The following TMEM161A variants were observed in gnomAD, a reference collection of about 807,000 sequenced individuals.
The protein encoded by TMEM161A is adaptive response to oxidative stress protein 29.
A neutral mutation model predicts 57.1 loss-of-function variants in TMEM161A; 46 were observed. The ratio of observed to expected loss-of-function variants is 0.81; its 90% CI spans 0.64 to 1.03. The LOEUF (loss-of-function observed/expected upper bound fraction) is 1.03, where lower values mean the gene tolerates loss of function less well. Ranked by LOEUF, TMEM161A falls within the 50% of genes least tolerant of loss-of-function variation. The pLI is 0.00. For missense variants in TMEM161A, 601 were observed against 621.5 expected (o/e 0.97, Z 0.35); for synonymous variants, 288 against 279.0 (o/e 1.03, Z -0.32).
chr19:19,135,377 C>T (rs138741532), intron 1 of TMEM161A, among the ~76,000 whole-genome samples: 5 of 152,136 alleles, frequency 3.3e-5, no homozygotes, highest in Non-Finnish European at 7.4e-5. Flanking sequence ...TTCTCCTTCA[C>T]CTGGTAGCTC....
Position 19,132,213 on chromosome 19 carries a change from A to T in TMEM161A, c.443+139T>A. 9.8e-7 allele frequency: 1 copy of T among 1,023,650 alleles called. No homozygotes were observed. The highest frequency in any genetic ancestry group is 1.6e-5 in the South Asian group (1 of 61,972). The allele number at this position is 1,023,650 out of a possible 1,614,324, so 63.4% of individuals were successfully genotyped here. A position where few individuals can be genotyped will look rare whatever the true frequency, so the allele number is the denominator to read the frequency against. On this transcript the variant is annotated intron_variant, in intron 5 of 11. Coordinates refer to ENST00000162044, the MANE Select transcript of TMEM161A (RefSeq NM_017814.3). This position sits in a 1 kb window ranked among gnomAD's most constrained non-coding sequence, Gnocchi z 4.3. ...CCACCCACAGAGCTGGAGCACATAAAATGTCTGCTTCATGTCACTAAGCTT... is the reference window on the plus strand; with the variant it reads ...CCACCCACAGAGCTGGAGCACATAATATGTCTGCTTCATGTCACTAAGCTT...
At chr19:19,123,340 AAAG>A (rs554220404) in intron 6 of TMEM161A, among the ~76,000 whole-genome samples, 73 of 152,348 alleles carry the variant, frequency 4.8e-4, no homozygotes, top group African/African-American at 1.8e-3. Context: ...ATGTAAATAA[AAAG>A]AAATCCATAC....
chr19:19,126,152 G>A lies in TMEM161A; in HGVS notation c.595+4004C>T, dbSNP rs2059930299. 2.7e-5 allele frequency among the ~76,000 whole-genome samples: 3 copies of A among 111,040 alleles called. No homozygotes were observed. The South Asian group carries it at 1.1e-3, about 39-fold the overall frequency. The allele number at this position is 111,040 out of a possible 152,430, so 72.8% of individuals were successfully genotyped here. A position where few individuals can be genotyped will look rare whatever the true frequency, so the allele number is the denominator to read the frequency against. On this transcript the variant is annotated intron_variant, in intron 6 of 11. Transcript: ENST00000162044. ...TGCACTCCAGCCTGGGGGAAAGAGC[G>A]AGACTCTGTCTCAAAAAAAAAAAAA...
Position 19,119,774 on chromosome 19 carries a change from A to G in TMEM161A, c.*156T>C. 1 of 949,804 alleles carries G rather than the reference A, an allele frequency of 1.1e-6. No homozygotes were observed. The highest frequency in any genetic ancestry group is 1.7e-5 in the South Asian group (1 of 58,198). 58.8% of individuals were successfully genotyped at this position (949,804 alleles called of 1,614,324 possible). On this transcript the variant is annotated 3_prime_UTR_variant, in exon 12 of 12. Coordinates refer to ENST00000162044, the MANE Select transcript of TMEM161A (RefSeq NM_017814.3). ...GTTCTGAGGCAGAAACTCGGCGTCC[A>G]AGGGGGGCCGCGGGTCAGGCACTGT...
chr19:19,134,951 G>T, intron 1 of TMEM161A, 64 bp from the exon 2 acceptor site: 1 of 1,212,808 alleles, frequency 8.2e-7, no homozygotes, highest in Non-Finnish European at 1.2e-6. Context: ...CCCTCCCTAG[G>T]AACCCAGGCT....
chr19:19,130,341 A>C (rs1358920220), intron 5 of TMEM161A, 34 bp from the exon 6 acceptor site: 1 of 1,609,216 alleles, frequency 6.2e-7, no homozygotes, highest in Non-Finnish European at 8.5e-7. Flanking sequence ...CTCAGGTGCC[A>C]CTGCCCCACT....
In TMEM161A at chr19:19,119,749, GT is replaced by G; in HGVS notation, c.*180del. 1 of 728,006 alleles carries G rather than the reference GT, an allele frequency of 1.4e-6. No homozygotes were observed. Among genetic ancestry groups the G allele is most frequent in the South Asian group, 1.9e-5 (1 of 53,158 alleles). The allele number at this position is 728,006 out of a possible 1,614,324, so 45.1% of individuals were successfully genotyped here. ...CATGCTGCTGGGCCCAGGAGAGACA[GT>G]TCTGAGGCAGAAACTCGGCGTCCAA... On this transcript the variant is annotated 3_prime_UTR_variant, in exon 12 of 12. Coordinates refer to ENST00000162044, the MANE Select transcript of TMEM161A (RefSeq NM_017814.3).
chr19:19,125,596 A>G lies in TMEM161A; in HGVS notation c.596-3777T>C, dbSNP rs1279276966. ...CAGTGGCGCGATCTTGGCTCACTGCAAGCTCCACCTCCCGGGTTCACGCCA... is the reference window on the plus strand; with the variant it reads ...CAGTGGCGCGATCTTGGCTCACTGCGAGCTCCACCTCCCGGGTTCACGCCA... On this transcript the variant is annotated intron_variant, in intron 6 of 11. Transcript: ENST00000162044. Among the ~76,000 whole-genome samples the G allele has an allele frequency of 3.3e-5, 5 of 149,500 alleles. No homozygotes were observed. The South Asian group carries it at 1.1e-3, about 32-fold the overall frequency.
intron 6 of TMEM161A, among the ~76,000 whole-genome samples, chr19:19,129,616 T>A (rs1352137134): frequency 6.6e-6 from 1 of 151,402 alleles, no homozygotes; most frequent in East Asian, 1.9e-4. Flanking sequence ...TTTAAAAAAA[T>A]GAAAAAAGAG....
Position 19,120,876 on chromosome 19 carries a change from CA to C in TMEM161A, c.1090-16del. ...ACTCGGACCACCTGTGGGCAGGTAGCAGGGGTGGCTGCAGCAGGAGGCCTTC... is the reference window on the plus strand; with the variant it reads ...ACTCGGACCACCTGTGGGCAGGTAGCGGGGTGGCTGCAGCAGGAGGCCTTC... On this transcript the variant is annotated splice_polypyrimidine_tract_variant and intron_variant, in intron 10 of 11. Transcript: ENST00000162044. 6.2e-7 allele frequency: 1 copy of C among 1,613,146 alleles called. No individual in the cohort carries two copies. The highest frequency in any genetic ancestry group is 8.5e-7 in the Non-Finnish European group (1 of 1,179,910).
In TMEM161A at chr19:19,132,501, G is replaced by A. The variant is rs775692213; in HGVS notation, c.294C>T (p.Arg98=). 5 of 1,613,698 alleles carry A rather than the reference G, an allele frequency of 3.1e-6. No individual in the cohort carries two copies. Among genetic ancestry groups the A allele is most frequent in the Admixed American group, 3.3e-5 (2 of 59,968 alleles). Residue 98 remains arginine, a synonymous_variant, in exon 5 of 12, where the codon CGC becomes CGT. Coordinates refer to ENST00000162044, the MANE Select transcript of TMEM161A (RefSeq NM_017814.3). The surrounding 1 kb of genome is among the most constrained non-coding windows in gnomAD (Gnocchi z 4.3). ...PLTTVDALVL[R]FFLEYQWFVD... is the part of the protein sequence containing the mutation. ...CAAACCACTGGTACTCCAGGAAGAAGCGCAGGACTGTGGGGGGCACTCTGC... is the reference window on the plus strand; with the variant it reads ...CAAACCACTGGTACTCCAGGAAGAAACGCAGGACTGTGGGGGGCACTCTGC...
chr19:19,130,299 A>G lies in TMEM161A; in HGVS notation c.452T>C (p.Phe151Ser). The change falls in exon 6 of 12, where the codon TTC (phenylalanine) becomes TCC (serine). Residue 151 changes from phenylalanine to serine, a missense_variant. Physicochemically the swap from Phe to Ser is radical, Grantham distance 155. Coordinates refer to ENST00000162044, the MANE Select transcript of TMEM161A (RefSeq NM_017814.3). The part of the protein sequence containing the change: ...LLTVTFSIKM[F>S]LTVTRLYFSA... ...GAAGTACAGCCGTGTCACTGTCAGGAACATCTTGCTGGAGGCTGGAGCTAA... is the reference window on the plus strand; with the variant it reads ...GAAGTACAGCCGTGTCACTGTCAGGGACATCTTGCTGGAGGCTGGAGCTAA... 1.2e-6 allele frequency: 2 copies of G among 1,613,126 alleles called. No homozygotes were observed. Among genetic ancestry groups the G allele is most frequent in the Non-Finnish European group, 1.7e-6 (2 of 1,179,986 alleles).
At position 19,120,009 on chromosome 19, in the gene TMEM161A, A is replaced by G; in HGVS notation, c.1361T>C (p.Leu454Pro). 6.3e-7 allele frequency: 1 copy of G among 1,594,714 alleles called. No individual in the cohort carries two copies. Among genetic ancestry groups the G allele is most frequent in the Non-Finnish European group, 8.5e-7 (1 of 1,171,372 alleles). The change falls in exon 12 of 12, where the codon CTC becomes CCC. Residue 454 changes from leucine to proline, a missense_variant. By Grantham distance (98) the Leu-to-Pro change is moderately conservative. Transcript: ENST00000162044. ...PLFLRGVLAY[L>P]IWWTAACQLL... ...CTGGCAGGCAGCCGTCCACCAGATG[A>G]GGTAGGCCAGGACGCCACGGAGGAA...
At chr19:19,123,911 A>C (rs1314530564) in intron 6 of TMEM161A, among the ~76,000 whole-genome samples, 1 of 151,998 alleles carries the variant, frequency 6.6e-6, no homozygotes, top group East Asian at 1.9e-4. Context: ...AATCCAAAAA[A>C]TAGCTGGGCA....
rs755126624 is a variant in TMEM161A at position 19,120,867 on chromosome 19, G to A, written c.1090-6C>T. 1.5e-5 allele frequency: 24 copies of A among 1,613,180 alleles called. No homozygotes were observed. Among genetic ancestry groups the A allele is most frequent in the Non-Finnish European group, 2.0e-5 (24 of 1,179,928 alleles). ...TAGCAGTAGACTCGGACCACCTGTG[G>A]GCAGGTAGCAGGGGTGGCTGCAGCA... is the stretch of plus-strand genomic sequence containing the variant. On this transcript the variant is annotated splice_polypyrimidine_tract_variant and splice_region_variant and intron_variant, in intron 10 of 11. Coordinates refer to ENST00000162044, the MANE Select transcript of TMEM161A (RefSeq NM_017814.3).
In TMEM161A at chr19:19,132,849, C is replaced by T. The variant is rs2059965491; in HGVS notation, c.189-95G>A. 2 of 1,054,734 alleles carry T rather than the reference C, an allele frequency of 1.9e-6. No homozygotes were observed. The highest frequency in any genetic ancestry group is 3.4e-5 in the South Asian group (2 of 59,688). The allele number at this position is 1,054,734 out of a possible 1,614,324, so 65.3% of individuals were successfully genotyped here. On this transcript the variant is annotated intron_variant, in intron 3 of 11. Coordinates refer to ENST00000162044, the MANE Select transcript of TMEM161A (RefSeq NM_017814.3). This position sits in a 1 kb window ranked among gnomAD's most constrained non-coding sequence, Gnocchi z 4.3. ...TCAGAGCAGCTGGCCTGGAGACCATCTCTTTCCACAACCTTGGCTCCTCTG... is the reference window on the plus strand; with the variant it reads ...TCAGAGCAGCTGGCCTGGAGACCATTTCTTTCCACAACCTTGGCTCCTCTG...
intron 2 of TMEM161A, among the ~76,000 whole-genome samples, chr19:19,134,237 C>T (rs1009087182): frequency 7.2e-5 from 11 of 152,204 alleles, no homozygotes; most frequent in African/African-American, 1.9e-4. Context: ...GAGTGAGGGA[C>T]GTGGGGAGTG....
chr19:19,120,406 G>T (rs1431187851), intron 11 of TMEM161A, among the ~76,000 whole-genome samples: 1 of 143,542 alleles, frequency 7.0e-6, no homozygotes, highest in Non-Finnish European at 1.5e-5. Flanking sequence ...TACATGCCCT[G>T]CCCCCTCCCC....
chr19:19,129,493 A>G (rs2059947145), intron 6 of TMEM161A, among the ~76,000 whole-genome samples: 1 of 152,092 alleles, frequency 6.6e-6, no homozygotes, highest in South Asian at 2.1e-4. Context: ...CACCTGTAAT[A>G]ACAACAATTT....
Sources: allele counts gnomAD v4.1 joint callset (sites outside exome capture counted in the v4.1 genomes callset), GRCh38; gene constraint gnomAD v4.1.1; non-coding constraint Gnocchi (gnomAD v3.1); transcripts MANE v1.5; gene names NCBI Gene and HGNC (gene_info 2026-07-23, HGNC 2026-07-21).